Variants in FBXO25 observed in about 807,000 individuals in gnomAD.
FBXO25 encodes F-box protein 25.
In FBXO25, 45 loss-of-function variants were observed where a neutral mutation model predicts 51.9. The ratio of observed to expected loss-of-function variants is 0.87; its 90% CI spans 0.68 to 1.11. The LOEUF is 1.11. FBXO25 is among the 50% of genes most tolerant of loss of function. The pLI is 0.00. For synonymous variants in FBXO25, 199 were observed against 151.0 expected (o/e 1.32, Z -2.33); for missense variants, 507 against 428.5 (o/e 1.18, Z -1.62).
rs993628329 is a variant in FBXO25, at chr8:474,385, T to C, written c.*5581T>C. 2.2e-5 allele frequency: 6 copies of C among 269,526 alleles called. No homozygotes were observed. In the East Asian group the frequency reaches 5.6e-4, roughly 25 times the overall value. The allele number at this position is 269,526 out of a possible 1,614,324, so 16.7% of individuals were successfully genotyped here. On this transcript the variant is annotated 3_prime_UTR_variant, in exon 10 of 10. Transcript: ENST00000350302. ...TTCCACCTTTTAGCTATTGTGAATA[T>C]TGCTGCCGTAAACATGGGTGTGCAA...
chr8:415,549 C>T (rs1194520520), intron 2 of FBXO25, among the ~76,000 whole-genome samples: 1 of 152,086 alleles, frequency 6.6e-6, no homozygotes, highest in African/African-American at 2.4e-5. Context: ...GAGAGGACAG[C>T]CAGTTAAGGG....
chr8:470,406 A>C lies in FBXO25; in HGVS notation c.*1602A>C, dbSNP rs1289543466. 6.6e-6 allele frequency: 1 copy of C among 151,998 alleles called. No individual in the cohort carries two copies. The highest frequency in any genetic ancestry group is 6.6e-5 in the Admixed American group (1 of 15,252). 9.4% of individuals were successfully genotyped at this position (151,998 alleles called of 1,614,324 possible). A position where few individuals can be genotyped will look rare whatever the true frequency, so the allele number is the denominator to read the frequency against. ...GGTCTTGCTCTGTCACCCAGGCTGGAGTGCAGGGGTATGATGTCGGCTTAC... is the reference window on the plus strand; with the variant it reads ...GGTCTTGCTCTGTCACCCAGGCTGGCGTGCAGGGGTATGATGTCGGCTTAC... On this transcript the variant is annotated 3_prime_UTR_variant, in exon 10 of 10. Transcript: ENST00000350302.
At chr8:420,869 C>A (rs142914724) in intron 2 of FBXO25, among the ~76,000 whole-genome samples, 1 of 152,152 alleles carries the variant, frequency 6.6e-6, no homozygotes, top group African/African-American at 2.4e-5. Context: ...CTGTCAAAAC[C>A]CATGGAACTG....
intron 2 of FBXO25, among the ~76,000 whole-genome samples, chr8:426,230 C>T (rs1454775625): frequency 6.6e-6 from 1 of 152,180 alleles, no homozygotes; most frequent in Non-Finnish European, 1.5e-5. Context: ...CCCTCAGCTC[C>T]TGGTCACTGT....
At chr8:426,388 C>A (rs1477457230) in intron 2 of FBXO25, among the ~76,000 whole-genome samples, 1 of 152,064 alleles carries the variant, frequency 6.6e-6, no homozygotes, top group Non-Finnish European at 1.5e-5. Context: ...GACCTGTAAT[C>A]CCTACTACAA....
In FBXO25 at chr8:476,942, A is replaced by C. The variant is rs1358801341; in HGVS notation, c.*8138A>C. The C allele has an allele frequency of 6.6e-6, 1 of 152,040 alleles. No homozygotes were observed. Among genetic ancestry groups the C allele is most frequent in the Non-Finnish European group, 1.5e-5 (1 of 68,022 alleles). 9.4% of individuals were successfully genotyped at this position (152,040 alleles called of 1,614,324 possible). Reference sequence around the variant, plus strand: ...TTTAATAGGTGTATTTACAGTTACAAATTTCCCTCCTACCACTGCTTTGAC... The same window carrying C: ...TTTAATAGGTGTATTTACAGTTACACATTTCCCTCCTACCACTGCTTTGAC... On this transcript the variant is annotated 3_prime_UTR_variant, in exon 10 of 10. Transcript: ENST00000350302.
intron 2 of FBXO25, among the ~76,000 whole-genome samples, chr8:424,043 G>C (rs1475422442): frequency 2.0e-5 from 3 of 151,926 alleles, no homozygotes; most frequent in African/African-American, 7.3e-5. Context: ...AATGCTATGT[G>C]GTACTGAGCC....
At chr8:412,187 G>A (rs773588135) in intron 1 of FBXO25, among the ~76,000 whole-genome samples, 1 of 152,152 alleles carries the variant, frequency 6.6e-6, no homozygotes, top group Non-Finnish European at 1.5e-5. Context: ...GAACAGGCAT[G>A]TCCTAAGCTG....
chr8:467,552 C>A (rs958727531), intron 9 of FBXO25, among the ~76,000 whole-genome samples: 4 of 152,162 alleles, frequency 2.6e-5, no homozygotes, highest in African/African-American at 9.7e-5. Context: ...CTTTTAATAA[C>A]CTTGTACTGT....
In FBXO25 at chr8:438,579, T is replaced by G. The variant is rs114720943; in HGVS notation, c.381+2872T>G. Among the ~76,000 whole-genome samples the G allele has an allele frequency of 9.7e-3, 1,477 of 152,318 alleles. 20 individuals are homozygous for G. The highest frequency in any genetic ancestry group is 0.033 in the African/African-American group (1,379 of 41,566). ...TCTTTGAAGTTGAGTTTGAGCCAGATGTCCTGTTGGAGGCATAAAATGGCC... is the reference window on the plus strand; with the variant it reads ...TCTTTGAAGTTGAGTTTGAGCCAGAGGTCCTGTTGGAGGCATAAAATGGCC... On this transcript the variant is annotated intron_variant, in intron 5 of 9. Coordinates refer to ENST00000350302, the MANE Select transcript of FBXO25 (RefSeq NM_183420.2).
At chr8:417,131 G>T (rs1461398306) in intron 2 of FBXO25, among the ~76,000 whole-genome samples, 1 of 152,204 alleles carries the variant, frequency 6.6e-6, no homozygotes, top group Non-Finnish European at 1.5e-5. Context: ...AGGGGAGCCC[G>T]GAAGCGGGGC....
intron 1 of FBXO25, among the ~76,000 whole-genome samples, chr8:408,741 C>G (rs1346134847): frequency 6.6e-6 from 1 of 152,160 alleles, no homozygotes; most frequent in Admixed American, 6.5e-5. Context: ...AAGTCCTTTT[C>G]TACTGAAGTA....
At chr8:416,518 C>T (rs1037004743) in intron 2 of FBXO25, among the ~76,000 whole-genome samples, 1 of 152,176 alleles carries the variant, frequency 6.6e-6, no homozygotes, top group African/African-American at 2.4e-5. Context: ...GTTGATTACC[C>T]CCAGGGGTAG....
chr8:434,122 G>C (rs1797970181), intron 4 of FBXO25, among the ~76,000 whole-genome samples: 1 of 152,192 alleles, frequency 6.6e-6, no homozygotes, highest in Non-Finnish European at 1.5e-5. Flanking sequence ...ACAAGGCTGA[G>C]AGGGACCAGA....
chr8:453,787 G>A (rs574067752), intron 7 of FBXO25, among the ~76,000 whole-genome samples: 2 of 152,258 alleles, frequency 1.3e-5, no homozygotes, highest in South Asian at 4.2e-4. Flanking sequence ...CCAGTGAGCT[G>A]ACAGTTGTCT....
Position 472,356 on chromosome 8 carries a change from G to A in FBXO25, c.*3552G>A, listed in dbSNP as rs1800510230. 5 of 152,160 alleles carry A rather than the reference G, an allele frequency of 3.3e-5. No homozygotes were observed. The South Asian group carries it at 1.0e-3, about 32-fold the overall frequency. The allele number at this position is 152,160 out of a possible 1,614,324, so 9.4% of individuals were successfully genotyped here. ...TAAGATCATGTGCTGTTATTACATT[G>A]ACTGATTTCTATATCTTGAACCAAC... On this transcript the variant is annotated 3_prime_UTR_variant, in exon 10 of 10. Transcript: ENST00000350302.
At chr8:418,464 T>G (rs1796948586) in intron 2 of FBXO25, among the ~76,000 whole-genome samples, 2 of 148,250 alleles carry the variant, frequency 1.3e-5, no homozygotes, top group Non-Finnish European at 1.5e-5. Context: ...CTCAGCCTCC[T>G]GAGTAGCTGG....
chr8:429,246 C>G (rs542068941), intron 2 of FBXO25, among the ~76,000 whole-genome samples: 1 of 152,032 alleles, frequency 6.6e-6, no homozygotes, highest in Non-Finnish European at 1.5e-5. Flanking sequence ...TCATAATGAG[C>G]GTGAGGTAGT....
chr8:455,957 A>G (rs951888435), intron 7 of FBXO25, among the ~76,000 whole-genome samples: 3 of 152,224 alleles, frequency 2.0e-5, no homozygotes, highest in Non-Finnish European at 2.9e-5. Flanking sequence ...AGAAATCCCA[A>G]ATGCTGAGTT....
Sources: gnomAD v4.1 joint callset for allele counts (sites outside exome capture counted in the v4.1 genomes callset) on GRCh38, gnomAD v4.1.1 for gene constraint, MANE v1.5 for transcripts, NCBI Gene and HGNC (gene_info 2026-07-23, HGNC 2026-07-21) for gene names.